The following SPAG16 variants were observed in gnomAD, a reference collection of about 807,000 sequenced individuals.
SPAG16 encodes the protein sperm-associated antigen 16 protein.
Under a neutral mutation model 80.4 loss-of-function variants are expected in SPAG16, and 86 were observed. The observed-to-expected ratio is 1.07, with a 90% confidence interval of 0.90 to 1.28. SPAG16 has a LOEUF of 1.28. Ranked by LOEUF, SPAG16 falls within the 50% of genes most tolerant of loss-of-function variation. The probability of loss-of-function intolerance (pLI) is 0.00; values close to 1 mark genes in which losing one functional copy is unlikely to be tolerated. For synonymous variants in SPAG16, 294 were observed against 265.9 expected, an observed-to-expected ratio of 1.11 and a Z score of -1.03; for missense variants, 870 against 765.3, an observed-to-expected ratio of 1.14 and a Z score of -1.61.
At chr2:214,143,285 A>G (rs575689661) in intron 14 of SPAG16, among the ~76,000 whole-genome samples, 104 of 137,788 alleles carry the variant, frequency 7.5e-4, no homozygotes, top group African/African-American at 2.8e-3. Context: ...ATATCTGTAT[A>G]CAAATGCTTG....
chr2:214,152,652 C>T (rs2056029190), intron 15 of SPAG16, among the ~76,000 whole-genome samples: 1 of 152,148 alleles, frequency 6.6e-6, no homozygotes, highest in Non-Finnish European at 1.5e-5. Flanking sequence ...GGACCACTAC[C>T]ACCAATGCGC....
At chr2:213,891,820 G>T (rs565642643) in intron 11 of SPAG16, among the ~76,000 whole-genome samples, 4 of 152,044 alleles carry the variant, frequency 2.6e-5, no homozygotes, top group African/African-American at 9.7e-5. Context: ...CATTCTGCCT[G>T]CCTCCAGGTG....
chr2:213,494,524 G>C lies in SPAG16; in HGVS notation c.1070+4434G>C, dbSNP rs981327936. Among the ~76,000 whole-genome samples the C allele has an allele frequency of 2.6e-5, 4 of 152,220 alleles. No individual in the cohort carries two copies. The South Asian group carries it at 8.3e-4, about 32-fold the overall frequency. ...GAAAGTCTGATAGGTCTTTCCTCCA[G>C]AATATATTAATTTTTTCCCCACTTC... On this transcript the variant is annotated intron_variant, in intron 10 of 15. Coordinates refer to ENST00000331683, the MANE Select transcript of SPAG16 (RefSeq NM_024532.5).
intron 9 of SPAG16, among the ~76,000 whole-genome samples, chr2:213,440,159 G>A (rs2070856313): frequency 6.6e-6 from 1 of 152,068 alleles, no homozygotes. Context: ...TAATTCCATG[G>A]GCCATGAATA....
chr2:213,865,283 A>G (rs1411649935), intron 11 of SPAG16, among the ~76,000 whole-genome samples: 1 of 152,016 alleles, frequency 6.6e-6, no homozygotes, highest in African/African-American at 2.4e-5. Context: ...ATAATTTATG[A>G]CCAAGATTCA....
chr2:214,058,912 G>A (rs1007716461), intron 13 of SPAG16, among the ~76,000 whole-genome samples: 4 of 152,120 alleles, frequency 2.6e-5, no homozygotes, highest in Admixed American at 2.6e-4. Context: ...TGCTACAGTG[G>A]TGCTGAAAGG....
chr2:213,372,744 CT>C (rs1346581310), intron 8 of SPAG16, among the ~76,000 whole-genome samples: 1 of 151,960 alleles, frequency 6.6e-6, no homozygotes, highest in Non-Finnish European at 1.5e-5. Context: ...TCTTCAAAAC[CT>C]TTTTCAGTTA....
intron 12 of SPAG16, among the ~76,000 whole-genome samples, chr2:213,937,686 C>A (rs1181418577): frequency 6.6e-6 from 1 of 151,802 alleles, no homozygotes. Flanking sequence ...AATTAATAAG[C>A]ACTATTCAAG....
At chr2:214,033,073 G>A (rs916166261) in intron 13 of SPAG16, among the ~76,000 whole-genome samples, 3 of 152,126 alleles carry the variant, frequency 2.0e-5, no homozygotes, top group Non-Finnish European at 4.4e-5. Flanking sequence ...TCGTTTTCCT[G>A]CAATTATTGG....
At chr2:213,989,755 A>G (rs1056402993) in intron 12 of SPAG16, among the ~76,000 whole-genome samples, 13 of 152,260 alleles carry the variant, frequency 8.5e-5, no homozygotes, top group Admixed American at 8.5e-4. Context: ...TCGATGTCAG[A>G]CATTTTCATT....
intron 13 of SPAG16, among the ~76,000 whole-genome samples, chr2:214,098,168 G>T (rs10193529): frequency 0.092 from 14,011 of 151,930 alleles, 818 homozygotes; most frequent in East Asian, 0.28. Context: ...ATGCAATATA[G>T]GTACAATACA....
At chr2:214,197,318 A>G (rs775790029) in intron 15 of SPAG16, among the ~76,000 whole-genome samples, 2 of 152,160 alleles carry the variant, frequency 1.3e-5, no homozygotes, top group East Asian at 1.9e-4. Flanking sequence ...CTGAGTTTAT[A>G]TTCCCATTTT....
At chr2:213,985,100 G>A (rs2045939971) in intron 12 of SPAG16, among the ~76,000 whole-genome samples, 1 of 152,054 alleles carries the variant, frequency 6.6e-6, no homozygotes, top group Admixed American at 6.6e-5. Context: ...TAGTTTGTCA[G>A]AATTGTACTC....
At chr2:213,574,661 T>C (rs994080677) in intron 10 of SPAG16, among the ~76,000 whole-genome samples, 3 of 147,262 alleles carry the variant, frequency 2.0e-5, no homozygotes, top group Non-Finnish European at 3.0e-5. Flanking sequence ...ATATATATGA[T>C]ATATGATATA....
chr2:213,628,141 C>G (rs2062024507), intron 10 of SPAG16, among the ~76,000 whole-genome samples: 1 of 152,168 alleles, frequency 6.6e-6, no homozygotes, highest in African/African-American at 2.4e-5. Context: ...TTGTCACAGC[C>G]AAATTTTTAC....
At chr2:214,218,145 C>T (rs897377825) in intron 15 of SPAG16, among the ~76,000 whole-genome samples, 15 of 152,038 alleles carry the variant, frequency 9.9e-5, no homozygotes, top group South Asian at 4.1e-4. Context: ...TTTAATGTGT[C>T]GCATGAAAGA....
chr2:213,934,893 T>C (rs2078921387), intron 12 of SPAG16, among the ~76,000 whole-genome samples: 1 of 151,976 alleles, frequency 6.6e-6, no homozygotes, highest in Non-Finnish European at 1.5e-5. Context: ...TTCTCTGGAC[T>C]CTCCAGCAAT....
intron 10 of SPAG16, among the ~76,000 whole-genome samples, chr2:213,805,444 G>A (rs2071707103): frequency 6.6e-6 from 1 of 152,182 alleles, no homozygotes; most frequent in Non-Finnish European, 1.5e-5. Flanking sequence ...AAATAGTGAA[G>A]AATATGAATT....
At chr2:213,402,334 C>T (rs1349414853) in intron 9 of SPAG16, among the ~76,000 whole-genome samples, 1 of 151,962 alleles carries the variant, frequency 6.6e-6, no homozygotes, top group African/African-American at 2.4e-5. Context: ...CTATCTAATT[C>T]TATCTGCCAT....
Sources: allele counts gnomAD v4.1 joint callset (sites outside exome capture counted in the v4.1 genomes callset), GRCh38; gene constraint gnomAD v4.1.1; transcripts MANE v1.5; gene names NCBI Gene and HGNC (gene_info 2026-07-23, HGNC 2026-07-21).